The following WWOX variants were observed in gnomAD, a reference collection of about 807,000 sequenced individuals.
WWOX encodes WW domain containing oxidoreductase, also known as WW domain-containing oxidoreductase.
In WWOX, 69 loss-of-function variants were observed where a neutral mutation model predicts 46.2. The ratio of observed to expected loss-of-function variants is 1.49; its 90% confidence interval spans 1.23 to 1.82. The LOEUF (loss-of-function observed/expected upper bound fraction) is 1.82. WWOX is among the 40% of genes most tolerant of loss of function. The probability of loss-of-function intolerance (pLI) is 0.00; values close to 1 mark genes in which losing one functional copy is unlikely to be tolerated. For missense variants in WWOX, 919 were observed against 542.6 expected (o/e 1.69, Z -6.89); for synonymous variants, 359 against 202.6 (o/e 1.77, Z -6.56).
At chr16:78,636,971 C>A (rs1005438890) in intron 8 of WWOX, among the ~76,000 whole-genome samples, 1 of 152,194 alleles carries the variant, frequency 6.6e-6, no homozygotes, top group African/African-American at 2.4e-5. Context: ...TTCCCCTTGT[C>A]TGTGCAATTC....
intron 8 of WWOX, among the ~76,000 whole-genome samples, chr16:78,881,448 T>C (rs1174550950): frequency 2.0e-5 from 3 of 152,140 alleles, no homozygotes; most frequent in Non-Finnish European, 4.4e-5. Context: ...TCAAGGAAAA[T>C]CAGAGAATAA....
intron 8 of WWOX, among the ~76,000 whole-genome samples, chr16:79,089,229 A>G (rs2048908396): frequency 6.6e-6 from 1 of 152,184 alleles, no homozygotes; most frequent in Non-Finnish European, 1.5e-5. Flanking sequence ...ATATGGAGAC[A>G]TTAGTCATCT....
chr16:78,183,919 G>T (rs949644709), intron 5 of WWOX, among the ~76,000 whole-genome samples: 3 of 152,196 alleles, frequency 2.0e-5, no homozygotes, highest in African/African-American at 7.2e-5. Flanking sequence ...CCAATTTGGA[G>T]AAAATTGAAT....
At chr16:78,714,406 C>A (rs1442198462) in intron 8 of WWOX, among the ~76,000 whole-genome samples, 2 of 152,022 alleles carry the variant, frequency 1.3e-5, no homozygotes, top group Non-Finnish European at 2.9e-5. Context: ...GACTTATTCA[C>A]TGTCACGAGA....
At chr16:78,712,953 C>G (rs976593105) in intron 8 of WWOX, among the ~76,000 whole-genome samples, 1 of 152,030 alleles carries the variant, frequency 6.6e-6, no homozygotes, top group African/African-American at 2.4e-5. Context: ...AAGAGGCAGG[C>G]TGCCAAGAAT....
chr16:78,492,276 C>G (rs2859634), intron 8 of WWOX, among the ~76,000 whole-genome samples: 14,619 of 152,150 alleles, frequency 0.096, 803 homozygotes, highest in African/African-American at 0.15. Context: ...ATTCCGAAGG[C>G]GGGTGTGTAT....
intron 8 of WWOX, among the ~76,000 whole-genome samples, chr16:78,539,697 C>A (rs1335101859): frequency 6.6e-6 from 1 of 152,148 alleles, no homozygotes; most frequent in East Asian, 1.9e-4. Context: ...CTGCACCTTG[C>A]CAGAGCATGT....
At chr16:78,502,509 A>T (rs921594554) in intron 8 of WWOX, among the ~76,000 whole-genome samples, 6 of 152,170 alleles carry the variant, frequency 3.9e-5, no homozygotes, top group Non-Finnish European at 8.8e-5. Flanking sequence ...GACAGCATCT[A>T]CCAGTTCATC....
At chr16:78,935,302 C>T (rs940630855) in intron 8 of WWOX, among the ~76,000 whole-genome samples, 2 of 152,104 alleles carry the variant, frequency 1.3e-5, no homozygotes, top group South Asian at 2.1e-4. Context: ...GACACATGCA[C>T]ATGTATGTTT....
At position 78,228,425 on chromosome 16, in the gene WWOX, T is replaced by G. The variant is rs373615337; in HGVS notation, c.516+64136T>G. On this transcript the variant is annotated intron_variant, in intron 5 of 8. Transcript: ENST00000566780. Reference sequence around the variant, plus strand: ...GGTGTGATCTCAGCTCACTGCAGCCTTGACCTCCTGGGTTCAAGAGATCCT... The same window carrying G: ...GGTGTGATCTCAGCTCACTGCAGCCGTGACCTCCTGGGTTCAAGAGATCCT... Among the ~76,000 whole-genome samples, 34 of 150,128 alleles carry G rather than the reference T, an allele frequency of 2.3e-4. 1 individual carries two copies. In the East Asian group the frequency reaches 4.6e-3, roughly 20 times the overall value.
At chr16:78,719,873 A>C (rs2048650877) in intron 8 of WWOX, among the ~76,000 whole-genome samples, 1 of 152,202 alleles carries the variant, frequency 6.6e-6, no homozygotes, top group Non-Finnish European at 1.5e-5. Flanking sequence ...ATTTATTGGC[A>C]GTATTTTTCT....
intron 8 of WWOX, among the ~76,000 whole-genome samples, chr16:78,757,849 G>T (rs1032724542): frequency 6.6e-6 from 1 of 152,034 alleles, no homozygotes; most frequent in South Asian, 2.1e-4. Flanking sequence ...AAGTCCACCA[G>T]TCTCATTCAT....
At chr16:78,381,295 G>C (rs780025334) in intron 5 of WWOX, among the ~76,000 whole-genome samples, 1 of 152,160 alleles carries the variant, frequency 6.6e-6, no homozygotes, top group Admixed American at 6.5e-5. Flanking sequence ...CACACTTACA[G>C]ACTCTTGAGT....
chr16:79,067,563 A>G (rs1318856467), intron 8 of WWOX, among the ~76,000 whole-genome samples: 1 of 132,946 alleles, frequency 7.5e-6, no homozygotes, highest in East Asian at 2.3e-4. Flanking sequence ...GCCACATGGA[A>G]TAGTACTAAT....
chr16:78,804,205 C>T (rs895353520), intron 8 of WWOX, among the ~76,000 whole-genome samples: 1 of 152,074 alleles, frequency 6.6e-6, no homozygotes, highest in Non-Finnish European at 1.5e-5. Context: ...ACTGCAGTCC[C>T]TCCTCTATGC....
At chr16:78,177,854 G>A (rs1000726964) in intron 5 of WWOX, among the ~76,000 whole-genome samples, 1 of 152,200 alleles carries the variant, frequency 6.6e-6, no homozygotes, top group Non-Finnish European at 1.5e-5. Context: ...AGCAGAAAAG[G>A]ACGAGACGGG....
intron 5 of WWOX, among the ~76,000 whole-genome samples, chr16:78,317,743 G>T (rs777206616): frequency 1.3e-4 from 20 of 152,032 alleles, no homozygotes; most frequent in Non-Finnish European, 2.8e-4. Context: ...CCCCCTTCAC[G>T]GTGTCCTCAC....
intron 8 of WWOX, among the ~76,000 whole-genome samples, chr16:78,824,912 G>A (rs1338813244): frequency 2.0e-5 from 3 of 152,158 alleles, no homozygotes; most frequent in Admixed American, 6.5e-5. Context: ...TCCTTTGGGA[G>A]CAATTTTTGG....
chr16:78,838,366 T>C (rs573459473), intron 8 of WWOX, among the ~76,000 whole-genome samples: 1 of 152,322 alleles, frequency 6.6e-6, no homozygotes, highest in South Asian at 2.1e-4. Flanking sequence ...TCCTGCATGT[T>C]GATTCTTAGA....
Sources: gnomAD v4.1 joint callset for allele counts (sites outside exome capture counted in the v4.1 genomes callset) on GRCh38, gnomAD v4.1.1 for gene constraint, MANE v1.5 for transcripts, NCBI Gene and HGNC (gene_info 2026-07-23, HGNC 2026-07-21) for gene names.